MROH1: variants seen among roughly 807,000 people sequenced by gnomAD.
The protein encoded by MROH1 is maestro heat-like repeat-containing protein family member 1.
MROH1 carries 117 observed loss-of-function variants against 116.5 expected under a neutral mutation model. The ratio of observed to expected loss-of-function variants is 1.00; its 90% CI spans 0.86 to 1.17. The LOEUF is 1.17. MROH1 is among the 50% of genes most tolerant of loss of function. The probability of loss-of-function intolerance (pLI) is 0.00; values close to 1 mark genes in which losing one functional copy is unlikely to be tolerated. For missense variants in MROH1, 1,873 were observed against 1,338.5 expected, an observed-to-expected ratio of 1.40 and a Z score of -6.23; for synonymous variants, 921 against 583.9, an observed-to-expected ratio of 1.58 and a Z score of -8.32.
chr8:144,247,298 C>T lies in MROH1; in HGVS notation c.2872-3C>T. 1 of 769,960 alleles carries T rather than the reference C, an allele frequency of 1.3e-6. No homozygotes were observed. The allele number at this position is 769,960 out of a possible 1,614,324, so 47.7% of individuals were successfully genotyped here. A position where few individuals can be genotyped will look rare whatever the true frequency, so the allele number is the denominator to read the frequency against. ...CTAATAGCCCAGGCATCTCCTCCTCCAGGCCCTGGTGCCCTTCCACAACCT... is the reference window on the plus strand; with the variant it reads ...CTAATAGCCCAGGCATCTCCTCCTCTAGGCCCTGGTGCCCTTCCACAACCT... On this transcript the variant is annotated splice_region_variant and splice_polypyrimidine_tract_variant and intron_variant, in intron 29 of 43. Transcript: ENST00000326134.
intron 28 of MROH1, 45 bp from the exon 29 acceptor site, chr8:144,245,111 G>T: frequency 1.3e-6 from 1 of 778,244 alleles, no homozygotes; most frequent in Non-Finnish European, 2.4e-6. Flanking sequence ...CCTGCCCCCA[G>T]GGCTGCCCTC....
intron 4 of MROH1, among the ~76,000 whole-genome samples, chr8:144,177,378 T>C (rs1824275514): frequency 1.3e-5 from 2 of 152,224 alleles, no homozygotes; most frequent in South Asian, 4.1e-4. Context: ...TGGCTGGGTG[T>C]CAACTTCAAA....
intron 1 of MROH1, among the ~76,000 whole-genome samples, chr8:144,154,487 G>A (rs1587706675): frequency 2.0e-5 from 3 of 152,138 alleles, no homozygotes; most frequent in African/African-American, 2.4e-5. Context: ...GGAGAACCAC[G>A]GGCGACTGGT....
intron 4 of MROH1, among the ~76,000 whole-genome samples, chr8:144,169,317 C>CGTATTT (rs1821826503): frequency 6.6e-6 from 1 of 152,182 alleles, no homozygotes; most frequent in South Asian, 2.1e-4. Flanking sequence ...GGAAGATGAC[C>CGTATTT]CAGTTCCATG....
At chr8:144,154,670 T>C (rs1345700971) in intron 1 of MROH1, among the ~76,000 whole-genome samples, 1 of 151,528 alleles carries the variant, frequency 6.6e-6, no homozygotes, top group Non-Finnish European at 1.5e-5. Flanking sequence ...TGCATCTTTT[T>C]TTTTTTTTTT....
At chr8:144,247,462 G>A in intron 30 of MROH1, 26 bp downstream of exon 30, 1 of 767,634 alleles carries the variant, frequency 1.3e-6, no homozygotes, top group East Asian at 2.5e-5. Flanking sequence ...GAGTGTGGGG[G>A]CCAGTGGTCG....
chr8:144,212,737 G>A (rs1160702599), intron 12 of MROH1, among the ~76,000 whole-genome samples: 1 of 151,786 alleles, frequency 6.6e-6, no homozygotes, highest in Non-Finnish European at 1.5e-5. Flanking sequence ...CTACAGGCAT[G>A]CGCCACGACA....
At chr8:144,226,974 C>G (rs1280493837) in intron 14 of MROH1, among the ~76,000 whole-genome samples, 1 of 152,192 alleles carries the variant, frequency 6.6e-6, no homozygotes, top group Non-Finnish European at 1.5e-5. Flanking sequence ...CATGTCGATT[C>G]TGTATATTCT....
intron 1 of MROH1, among the ~76,000 whole-genome samples, chr8:144,159,212 G>A (rs1367393359): frequency 6.6e-6 from 1 of 152,152 alleles, no homozygotes; most frequent in Non-Finnish European, 1.5e-5. Context: ...ACAAAAATTA[G>A]CCAGGTATGG....
chr8:144,256,568 G>C (rs1471758419), intron 35 of MROH1, among the ~76,000 whole-genome samples: 1 of 152,232 alleles, frequency 6.6e-6, no homozygotes, highest in Non-Finnish European at 1.5e-5. Flanking sequence ...AATGTGAATG[G>C]GATGGGGCAG....
At chr8:144,179,728 G>A in intron 5 of MROH1, 142 bp downstream of exon 5, 1 of 1,069,644 alleles carries the variant, frequency 9.3e-7, no homozygotes, top group Non-Finnish European at 1.3e-6. Flanking sequence ...TCGGTCTCAT[G>A]CATCACCCTG....
intron 1 of MROH1, among the ~76,000 whole-genome samples, chr8:144,155,505 A>T (rs1196126839): frequency 6.6e-6 from 1 of 152,180 alleles, no homozygotes; most frequent in Non-Finnish European, 1.5e-5. Flanking sequence ...CCAACGTGTC[A>T]CAAATCTCCA....
intron 12 of MROH1, among the ~76,000 whole-genome samples, chr8:144,209,484 G>A (rs1253322399): frequency 1.3e-5 from 2 of 151,422 alleles, no homozygotes; most frequent in Admixed American, 1.3e-4. Flanking sequence ...GGAGGCTGAG[G>A]CAGAGAATGG....
intron 12 of MROH1, among the ~76,000 whole-genome samples, chr8:144,216,684 C>CTTTTTT (rs71320815): frequency 2.8e-5 from 4 of 142,836 alleles, no homozygotes; most frequent in African/African-American, 8.5e-5. Flanking sequence ...TTTTTTACTG[C>CTTTTTT]TTTTTTTTTT....
chr8:144,211,004 C>T (rs1254795126), intron 12 of MROH1, among the ~76,000 whole-genome samples: 1 of 152,124 alleles, frequency 6.6e-6, no homozygotes, highest in East Asian at 1.9e-4. Flanking sequence ...TATTTAAGTC[C>T]CTCATAAGCT....
chr8:144,189,137 C>T (rs972303526), intron 7 of MROH1, among the ~76,000 whole-genome samples: 2 of 152,194 alleles, frequency 1.3e-5, no homozygotes, highest in African/African-American at 4.8e-5. Flanking sequence ...TTGGGATTGG[C>T]ACTTGGCAGC....
At position 144,180,955 on chromosome 8, in the gene MROH1, CTGTG is replaced by C. The variant is rs1212061164; in HGVS notation, c.562+435_562+438del. ...TCCTGGCAGCACTGCCCACAGCCCT[CTGTG>C]TGCCTGGCAGGGGACTGCGGGCATG... is the stretch of plus-strand genomic sequence containing the variant. On this transcript the variant is annotated intron_variant, in intron 7 of 43. Transcript: ENST00000326134. This position sits in a 1 kb window ranked among gnomAD's most constrained non-coding sequence, Gnocchi z 7.4. Among the ~76,000 whole-genome samples the C allele has an allele frequency of 6.6e-6, 1 of 151,384 alleles. No homozygotes were observed. Among genetic ancestry groups the C allele is most frequent in the Non-Finnish European group, 1.5e-5 (1 of 68,006 alleles).
At chr8:144,181,084 A>G (rs1825506649) in intron 7 of MROH1, among the ~76,000 whole-genome samples, 2 of 152,034 alleles carry the variant, frequency 1.3e-5, no homozygotes, top group South Asian at 4.1e-4. Flanking sequence ...GAGATTAGAG[A>G]TCCTGAGCTA....
intron 1 of MROH1, among the ~76,000 whole-genome samples, chr8:144,150,962 C>T (rs1314582916): frequency 6.6e-6 from 1 of 152,080 alleles, no homozygotes; most frequent in Non-Finnish European, 1.5e-5. Flanking sequence ...AAACCTGAGA[C>T]CCAGGCCAGG....
Sources: gnomAD v4.1 joint callset for allele counts (sites outside exome capture counted in the v4.1 genomes callset) on GRCh38, gnomAD v4.1.1 for gene constraint, Gnocchi (gnomAD v3.1) non-coding constraint, MANE v1.5 for transcripts, NCBI Gene and HGNC (gene_info 2026-07-23, HGNC 2026-07-21) for gene names.